Variants in PTPRQ observed in about 807,000 individuals in gnomAD.
PTPRQ encodes the protein protein tyrosine phosphatase receptor type Q.
Under a neutral mutation model 246.0 loss-of-function variants are expected in PTPRQ, and 199 were observed. The ratio of observed to expected loss-of-function variants is 0.81; its 90% confidence interval spans 0.72 to 0.91. PTPRQ has a LOEUF of 0.91. PTPRQ is among the 40% of genes least tolerant of loss of function. The pLI, the probability that PTPRQ is intolerant of heterozygous loss-of-function variation, is 0.00. For missense variants in PTPRQ, 2,624 were observed against 2,528.4 expected (o/e 1.04, Z -0.81); for synonymous variants, 869 against 853.2 (o/e 1.02, Z -0.32).
intron 29 of PTPRQ, among the ~76,000 whole-genome samples, chr12:80,615,625 G>T (rs1898724378): frequency 6.6e-6 from 1 of 151,084 alleles, no homozygotes; most frequent in Non-Finnish European, 1.5e-5. Context: ...ATACTTTGGG[G>T]CAGGGGTGAA....
intron 39 of PTPRQ, among the ~76,000 whole-genome samples, chr12:80,664,008 A>G (rs1900711305): frequency 6.6e-6 from 1 of 151,070 alleles, no homozygotes; most frequent in South Asian, 2.1e-4. Context: ...TATTGTATAT[A>G]TCCTCAACTC....
intron 9 of PTPRQ, among the ~76,000 whole-genome samples, chr12:80,488,170 A>T (rs1294786427): frequency 2.6e-5 from 4 of 151,536 alleles, no homozygotes; most frequent in Non-Finnish European, 5.9e-5. Context: ...AAGGGTCTAT[A>T]TAATGTGATC....
chr12:80,675,110 TC>T lies in PTPRQ; in HGVS notation c.6738+1811del, dbSNP rs1191794053. ...TAACAAATGAGTTAAATGTCACCCTTCCCCCAGGATTCAGAAATGGAATATT... is the reference window on the plus strand; with the variant it reads ...TAACAAATGAGTTAAATGTCACCCTTCCCCAGGATTCAGAAATGGAATATT... On this transcript the variant is annotated intron_variant, in intron 43 of 44. Coordinates refer to ENST00000644991, the MANE Select transcript of PTPRQ (RefSeq NM_001145026.2). Among the ~76,000 whole-genome samples, 6 of 152,208 alleles carry T rather than the reference TC, an allele frequency of 3.9e-5. No individual in the cohort carries two copies. The East Asian group carries it at 1.2e-3, about 29-fold the overall frequency.
intron 17 of PTPRQ, among the ~76,000 whole-genome samples, 155 bp from the exon 18 acceptor site, chr12:80,533,860 T>A (rs1317538801): frequency 6.6e-6 from 1 of 152,072 alleles, no homozygotes; most frequent in Non-Finnish European, 1.5e-5. Context: ...TGAAATTTAC[T>A]ATTTTCAGTA....
intron 10 of PTPRQ, among the ~76,000 whole-genome samples, chr12:80,493,671 A>G (rs1854133628): frequency 6.6e-6 from 1 of 151,968 alleles, no homozygotes; most frequent in Non-Finnish European, 1.5e-5. Context: ...CTTCCTGGAG[A>G]AAGTAGCACC....
At chr12:80,610,866 G>A (rs993950358) in intron 28 of PTPRQ, among the ~76,000 whole-genome samples, 3 of 150,480 alleles carry the variant, frequency 2.0e-5, no homozygotes, top group East Asian at 2.0e-4. Context: ...AAAGGTATCC[G>A]CTGTATTTCT....
chr12:80,520,103 T>C (rs922277404), intron 17 of PTPRQ, among the ~76,000 whole-genome samples: 1 of 152,102 alleles, frequency 6.6e-6, no homozygotes, highest in East Asian at 1.9e-4. Flanking sequence ...TGGTATCTTA[T>C]TGTCACGAAC....
intron 39 of PTPRQ, among the ~76,000 whole-genome samples, chr12:80,662,718 C>G (rs1900670494): frequency 6.6e-6 from 1 of 151,898 alleles, no homozygotes; most frequent in Admixed American, 6.6e-5. Flanking sequence ...AATTTAAGGA[C>G]TGCAATGAAA....
At chr12:80,622,584 A>T (rs138424259) in intron 33 of PTPRQ, among the ~76,000 whole-genome samples, 1 of 152,018 alleles carries the variant, frequency 6.6e-6, no homozygotes, top group Non-Finnish European at 1.5e-5. Context: ...CTTAAGCCCT[A>T]ATGTTGACTC....
chr12:80,452,440 G>A (rs575881679), intron 3 of PTPRQ, among the ~76,000 whole-genome samples: 1 of 152,320 alleles, frequency 6.6e-6, no homozygotes, highest in South Asian at 2.1e-4. Context: ...CTCGTTAGTT[G>A]ATGCAGTTTC....
At chr12:80,479,610 G>A (rs1318609072) in intron 8 of PTPRQ, among the ~76,000 whole-genome samples, 1 of 142,380 alleles carries the variant, frequency 7.0e-6, no homozygotes, top group African/African-American at 2.7e-5. Context: ...AGACCCATCA[G>A]TGTGCTGTAT....
intron 8 of PTPRQ, among the ~76,000 whole-genome samples, chr12:80,478,308 C>A (rs1278935094): frequency 6.6e-6 from 1 of 151,972 alleles, no homozygotes; most frequent in Non-Finnish European, 1.5e-5. Flanking sequence ...AACAGACCTG[C>A]AGCTGAGGGT....
At chr12:80,509,775 C>A (rs1223000980) in intron 16 of PTPRQ, among the ~76,000 whole-genome samples, 1 of 152,046 alleles carries the variant, frequency 6.6e-6, no homozygotes, top group African/African-American at 2.4e-5. Context: ...GTAAACCATT[C>A]AATTTTGAAG....
In PTPRQ at chr12:80,588,262, A is replaced by G. The variant is rs762481921; in HGVS notation, c.4419A>G (p.Lys1473=). 9 of 1,551,624 alleles carry G rather than the reference A, an allele frequency of 5.8e-6. No homozygotes were observed. Among genetic ancestry groups the G allele is most frequent in the African/African-American group, 1.4e-5 (1 of 73,172 alleles). Residue 1473 remains lysine (K), a synonymous_variant, in exon 26 of 45, where the codon AAA becomes AAG. Transcript: ENST00000644991. ...YKITTQLRAQ[K]CKEWESEECV... is the part of the protein sequence containing the mutation. ...TTACCACTCAACTTCGTGCTCAAAA[A>G]TGCAAAGAATGGGAATCCGAAGAAT...
At chr12:80,662,412 T>A (rs980061734) in intron 39 of PTPRQ, among the ~76,000 whole-genome samples, 1 of 151,948 alleles carries the variant, frequency 6.6e-6, no homozygotes, top group African/African-American at 2.4e-5. Context: ...GAGGATTATA[T>A]TTAGATGGGT....
chr12:80,460,037 A>G (rs1893105383), intron 5 of PTPRQ, among the ~76,000 whole-genome samples: 1 of 152,178 alleles, frequency 6.6e-6, no homozygotes. Context: ...ATGCTTTATT[A>G]TAGAATAAGC....
chr12:80,640,467 T>G (rs1899815662), intron 35 of PTPRQ, among the ~76,000 whole-genome samples: 1 of 152,222 alleles, frequency 6.6e-6, no homozygotes, highest in Non-Finnish European at 1.5e-5. Context: ...CAAGAAATGT[T>G]CTATGCTTAG....
chr12:80,638,409 G>A (rs1195957037), intron 35 of PTPRQ, among the ~76,000 whole-genome samples: 1 of 151,736 alleles, frequency 6.6e-6, no homozygotes, highest in African/African-American at 2.4e-5. Flanking sequence ...GTTTTCCCAT[G>A]TCCAAAAGAT....
chr12:80,638,686 C>G (rs1483641872), intron 35 of PTPRQ, among the ~76,000 whole-genome samples: 1 of 152,194 alleles, frequency 6.6e-6, no homozygotes, highest in East Asian at 1.9e-4. Context: ...TTTGAAAATG[C>G]CTTCTCTCAC....
Sources: gnomAD v4.1 joint callset for allele counts (sites outside exome capture counted in the v4.1 genomes callset) on GRCh38, gnomAD v4.1.1 for gene constraint, MANE v1.5 for transcripts, NCBI Gene and HGNC (gene_info 2026-07-23, HGNC 2026-07-21) for gene names.